KHDRBS2: variants seen among roughly 807,000 people sequenced by gnomAD.
KHDRBS2 encodes KH RNA binding domain containing, signal transduction associated 2.
A neutral mutation model predicts 44.3 loss-of-function variants in KHDRBS2; 26 were observed. The observed-to-expected ratio is 0.59, with a 90% confidence interval of 0.43 to 0.81. The LOEUF is 0.81. Ranked by LOEUF, KHDRBS2 falls within the 40% of genes least tolerant of loss-of-function variation. KHDRBS2 has a pLI of 0.00. For missense variants in KHDRBS2, 476 were observed against 433.1 expected, an observed-to-expected ratio of 1.10 and a Z score of -0.88; for synonymous variants, 194 against 151.1, an observed-to-expected ratio of 1.28 and a Z score of -2.08.
chr6:62,050,408 A>G (rs1435202596), intron 2 of KHDRBS2, among the ~76,000 whole-genome samples: 1 of 143,584 alleles, frequency 7.0e-6, no homozygotes, highest in Non-Finnish European at 1.5e-5. Context: ...CATTCTGCAC[A>G]TGTATCCCAG....
intron 1 of KHDRBS2, among the ~76,000 whole-genome samples, chr6:62,181,003 T>C (rs1387187016): frequency 2.1e-5 from 3 of 142,686 alleles, no homozygotes; most frequent in Non-Finnish European, 4.5e-5. Flanking sequence ...AACAATAAAA[T>C]TGGACTCTTC....
At chr6:62,154,132 G>GA (rs1490220344) in intron 2 of KHDRBS2, among the ~76,000 whole-genome samples, 2 of 152,196 alleles carry the variant, frequency 1.3e-5, no homozygotes, top group Non-Finnish European at 2.9e-5. Flanking sequence ...GAGGCTGTAT[G>GA]AAAAGGTATC....
chr6:61,862,726 A>G (rs1311961010), intron 6 of KHDRBS2, among the ~76,000 whole-genome samples: 2 of 152,082 alleles, frequency 1.3e-5, no homozygotes, highest in African/African-American at 4.8e-5. Flanking sequence ...GTTTGCCAGC[A>G]TTTTATTGAG....
intron 5 of KHDRBS2, among the ~76,000 whole-genome samples, chr6:61,895,582 C>T (rs1362542661): frequency 5.3e-5 from 8 of 152,162 alleles, no homozygotes; most frequent in Non-Finnish European, 1.2e-4. Context: ...GTTCTTGATA[C>T]AAAATTGACT....
intron 4 of KHDRBS2, among the ~76,000 whole-genome samples, chr6:61,910,097 C>T (rs183388410): frequency 8.5e-5 from 13 of 152,224 alleles, no homozygotes; most frequent in East Asian, 3.9e-4. Context: ...GCGCTTTTAC[C>T]GGAATAGTAA....
At chr6:61,704,563 A>G (rs1582262350) in intron 7 of KHDRBS2, among the ~76,000 whole-genome samples, 2 of 151,812 alleles carry the variant, frequency 1.3e-5, no homozygotes, top group East Asian at 3.9e-4. Context: ...CTTGAGACAT[A>G]TACAGGGACC....
chr6:62,045,675 T>C (rs1296752124), intron 3 of KHDRBS2, among the ~76,000 whole-genome samples: 1 of 152,068 alleles, frequency 6.6e-6, no homozygotes, highest in Non-Finnish European at 1.5e-5. Flanking sequence ...TTTGTATGGA[T>C]TCACACATAT....
chr6:62,106,847 G>T (rs1803493435), intron 2 of KHDRBS2, among the ~76,000 whole-genome samples: 1 of 151,946 alleles, frequency 6.6e-6, no homozygotes, highest in Non-Finnish European at 1.5e-5. Flanking sequence ...AAAACCACAT[G>T]ATTATCTCAA....
At chr6:61,900,148 A>T (rs749618691) in intron 5 of KHDRBS2, among the ~76,000 whole-genome samples, 4 of 151,930 alleles carry the variant, frequency 2.6e-5, no homozygotes, top group Non-Finnish European at 5.9e-5. Context: ...ACCCCATTTT[A>T]CCTCTAGTAA....
chr6:61,572,249 A>G, the KHDRBS2 span, among the ~76,000 whole-genome samples: 1 of 152,114 alleles, frequency 6.6e-6, no homozygotes, highest in Non-Finnish European at 1.5e-5. Flanking sequence ...GAAATATCCA[A>G]CTCTCCTAGA....
chr6:61,854,834 G>A (rs532807084), intron 6 of KHDRBS2, among the ~76,000 whole-genome samples: 1 of 152,228 alleles, frequency 6.6e-6, no homozygotes, highest in South Asian at 2.1e-4. Flanking sequence ...AATTATCTTA[G>A]AGAAAGTTGA....
intron 2 of KHDRBS2, among the ~76,000 whole-genome samples, chr6:62,100,836 G>A (rs1801702693): frequency 6.6e-6 from 1 of 152,112 alleles, no homozygotes; most frequent in Admixed American, 6.5e-5. Flanking sequence ...TTTTATTGTG[G>A]TGGTCTGTAA....
intron 2 of KHDRBS2, among the ~76,000 whole-genome samples, chr6:62,125,582 C>T (rs1316558796): frequency 6.6e-6 from 1 of 152,172 alleles, no homozygotes; most frequent in Non-Finnish European, 1.5e-5. Flanking sequence ...AAAGAAACTC[C>T]TTCTTTCCAC....
intron 1 of KHDRBS2, among the ~76,000 whole-genome samples, chr6:62,177,913 T>A (rs1445492689): frequency 2.0e-5 from 3 of 151,432 alleles, no homozygotes; most frequent in African/African-American, 7.3e-5. Context: ...AATATTAGAA[T>A]ATTACCAAAT....
chr6:61,778,407 T>C (rs1782432964), intron 6 of KHDRBS2, among the ~76,000 whole-genome samples: 1 of 152,028 alleles, frequency 6.6e-6, no homozygotes, highest in Admixed American at 6.6e-5. Context: ...AAGAAACTTA[T>C]AGAGGTGATA....
At chr6:62,089,165 G>A (rs1799008454) in intron 2 of KHDRBS2, among the ~76,000 whole-genome samples, 2 of 151,802 alleles carry the variant, frequency 1.3e-5, no homozygotes, top group African/African-American at 4.8e-5. Flanking sequence ...GCTCTGTGGG[G>A]GTGGGATCCC....
At chr6:62,243,163 T>A (rs1404001193) in intron 1 of KHDRBS2, among the ~76,000 whole-genome samples, 3 of 152,024 alleles carry the variant, frequency 2.0e-5, no homozygotes, top group Admixed American at 2.0e-4. Context: ...ATATAATATA[T>A]ATATACACAC....
chr6:62,142,457 A>C (rs1813042909), intron 2 of KHDRBS2, among the ~76,000 whole-genome samples: 2 of 152,078 alleles, frequency 1.3e-5, no homozygotes, highest in African/African-American at 2.4e-5. Flanking sequence ...TAACATGATT[A>C]GCTCTTCTAA....
At chr6:61,733,486 T>A (rs1210118723) in intron 6 of KHDRBS2, among the ~76,000 whole-genome samples, 1 of 151,580 alleles carries the variant, frequency 6.6e-6, no homozygotes, top group African/African-American at 2.4e-5. Context: ...TCCCAGCTGC[T>A]CAAGAGGCTG....
Sources: allele counts gnomAD v4.1 joint callset (sites outside exome capture counted in the v4.1 genomes callset), GRCh38; gene constraint gnomAD v4.1.1; transcripts MANE v1.5; gene names NCBI Gene and HGNC (gene_info 2026-07-23, HGNC 2026-07-21).